The following GABRB1 variants were observed in gnomAD, a reference collection of about 807,000 sequenced individuals.
GABRB1 encodes the protein gamma-aminobutyric acid receptor subunit beta-1.
A neutral mutation model predicts 51.6 loss-of-function variants in GABRB1; 17 were observed. That is an observed-to-expected ratio of 0.33 (90% CI 0.23 to 0.49). The LOEUF is 0.49. Among genes scored for constraint, GABRB1 ranks in the 20% least tolerant of loss-of-function variants. GABRB1 has a pLI of 0.99. For synonymous variants in GABRB1, 247 were observed against 218.9 expected (o/e 1.13, Z -1.14); for missense variants, 410 against 600.6 (o/e 0.68, Z 3.32).
intron 4 of GABRB1, among the ~76,000 whole-genome samples, chr4:47,181,516 G>T (rs1718947745): frequency 6.6e-6 from 1 of 152,008 alleles, no homozygotes; most frequent in Admixed American, 6.6e-5. Flanking sequence ...TTGGATGCCT[G>T]AGTTCTAATT....
chr4:47,123,403 T>TAC (rs1265220712), intron 3 of GABRB1, among the ~76,000 whole-genome samples: 12 of 116,058 alleles, frequency 1.0e-4, no homozygotes, highest in African/African-American at 4.0e-4. Context: ...ATTACATATA[T>TAC]ACATATATAC....
At chr4:47,041,858 G>A (rs996350780) in intron 3 of GABRB1, among the ~76,000 whole-genome samples, 2 of 151,936 alleles carry the variant, frequency 1.3e-5, no homozygotes, top group Non-Finnish European at 2.9e-5. Flanking sequence ...CCTGCCACCT[G>A]CAAACCCTCT....
intron 3 of GABRB1, among the ~76,000 whole-genome samples, chr4:47,142,779 A>G (rs1358073339): frequency 6.6e-6 from 1 of 151,888 alleles, no homozygotes; most frequent in African/African-American, 2.4e-5. Flanking sequence ...GGAAAAACAG[A>G]CAAGATCAAG....
At chr4:47,076,975 G>A (rs910903772) in intron 3 of GABRB1, among the ~76,000 whole-genome samples, 2 of 152,178 alleles carry the variant, frequency 1.3e-5, no homozygotes, top group South Asian at 2.1e-4. Context: ...AACCTCTCAT[G>A]TCATAGGCTA....
intron 3 of GABRB1, among the ~76,000 whole-genome samples, chr4:47,149,688 C>T (rs1385965172): frequency 2.0e-5 from 3 of 152,022 alleles, no homozygotes; most frequent in African/African-American, 7.2e-5. Flanking sequence ...ATGTTTGATA[C>T]AGGCCCAAGG....
intron 1 of GABRB1, among the ~76,000 whole-genome samples, chr4:47,026,306 T>C (rs1011066592): frequency 1.3e-5 from 2 of 151,958 alleles, no homozygotes; most frequent in African/African-American, 4.8e-5. Flanking sequence ...ATAAATGAAT[T>C]AGCGCAAAGT....
chr4:47,200,169 A>G (rs945948567), intron 4 of GABRB1, among the ~76,000 whole-genome samples: 8 of 152,196 alleles, frequency 5.3e-5, no homozygotes, highest in African/African-American at 1.9e-4. Context: ...GGTAGGACCA[A>G]TCGATTGTTG....
At chr4:47,066,808 C>T (rs988769806) in intron 3 of GABRB1, among the ~76,000 whole-genome samples, 4 of 152,136 alleles carry the variant, frequency 2.6e-5, no homozygotes, top group African/African-American at 9.7e-5. Context: ...ACTCCTGTTA[C>T]TGTTGATATT....
chr4:47,419,066 A>T (rs1331588728), intron 8 of GABRB1, among the ~76,000 whole-genome samples: 3 of 152,184 alleles, frequency 2.0e-5, no homozygotes, highest in Non-Finnish European at 4.4e-5. Context: ...TGATTTTTTT[A>T]AAAACTAATT....
chr4:47,358,601 C>T (rs1726677126), intron 5 of GABRB1, among the ~76,000 whole-genome samples: 2 of 152,026 alleles, frequency 1.3e-5, no homozygotes, highest in Admixed American at 1.3e-4. Flanking sequence ...GCCCAAATTT[C>T]CTCTTCTTTT....
chr4:47,380,085 C>T (rs1727540840), intron 5 of GABRB1, among the ~76,000 whole-genome samples: 1 of 152,078 alleles, frequency 6.6e-6, no homozygotes, highest in Non-Finnish European at 1.5e-5. Context: ...TATTTAATCA[C>T]TAGTATTTAT....
At chr4:47,333,251 A>G (rs1430137972) in intron 5 of GABRB1, among the ~76,000 whole-genome samples, 1 of 143,578 alleles carries the variant, frequency 7.0e-6, no homozygotes, top group Non-Finnish European at 1.5e-5. Context: ...CCACGTATTA[A>G]TATGAATGTG....
At chr4:47,404,358 A>G (rs1361698842) in intron 7 of GABRB1, among the ~76,000 whole-genome samples, 1 of 152,138 alleles carries the variant, frequency 6.6e-6, no homozygotes, top group Non-Finnish European at 1.5e-5. Flanking sequence ...TTGAGACTTT[A>G]AAGGATTCCT....
intron 5 of GABRB1, among the ~76,000 whole-genome samples, chr4:47,321,533 A>G (rs1725086998): frequency 1.3e-5 from 2 of 152,242 alleles, no homozygotes; most frequent in South Asian, 4.1e-4. Flanking sequence ...GTGTTTATAT[A>G]TAAAGTATTG....
At chr4:47,123,819 T>G in intron 3 of GABRB1, among the ~76,000 whole-genome samples, 1 of 91,208 alleles carries the variant, frequency 1.1e-5, no homozygotes, top group Non-Finnish European at 2.0e-5. Context: ...TATTATATAT[T>G]ATATTATATT....
chr4:47,296,588 G>A (rs1724003712), intron 4 of GABRB1, among the ~76,000 whole-genome samples: 1 of 152,166 alleles, frequency 6.6e-6, no homozygotes, highest in Non-Finnish European at 1.5e-5. Flanking sequence ...ACCCAATTCA[G>A]GAGCACCCAG....
At chr4:47,361,404 G>C (rs1378893375) in intron 5 of GABRB1, among the ~76,000 whole-genome samples, 1 of 152,138 alleles carries the variant, frequency 6.6e-6, no homozygotes, top group Non-Finnish European at 1.5e-5. Flanking sequence ...GGGTATTTGA[G>C]AAACTAAAGC....
At chr4:47,097,874 A>G (rs1325490106) in intron 3 of GABRB1, among the ~76,000 whole-genome samples, 1 of 152,310 alleles carries the variant, frequency 6.6e-6, no homozygotes, top group East Asian at 1.9e-4. Context: ...ACTTAGGCTC[A>G]CAATTAGCCT....
At chr4:47,278,550 A>T (rs1371894857) in intron 4 of GABRB1, among the ~76,000 whole-genome samples, 7 of 152,196 alleles carry the variant, frequency 4.6e-5, no homozygotes, top group African/African-American at 1.4e-4. Flanking sequence ...ATGCAAAGCC[A>T]ATAGGAACAA....
Sources: gnomAD v4.1 joint callset for allele counts (sites outside exome capture counted in the v4.1 genomes callset) on GRCh38, gnomAD v4.1.1 for gene constraint, MANE v1.5 for transcripts, NCBI Gene and HGNC (gene_info 2026-07-23, HGNC 2026-07-21) for gene names.